The following SEC14L5 variants were observed in gnomAD, a reference collection of about 807,000 sequenced individuals.
The protein encoded by SEC14L5 is SEC14 like lipid binding 5, also known as SEC14-like protein 5.
Under a neutral mutation model 84.6 loss-of-function variants are expected in SEC14L5, and 96 were observed. That is an observed-to-expected ratio of 1.13 (90% CI 0.96 to 1.34). The LOEUF (loss-of-function observed/expected upper bound fraction) is 1.34. Ranked by LOEUF, SEC14L5 falls within the 40% of genes most tolerant of loss-of-function variation. The probability of loss-of-function intolerance (pLI) is 0.00; values close to 1 mark genes in which losing one functional copy is unlikely to be tolerated. For synonymous variants in SEC14L5, 546 were observed against 383.4 expected (o/e 1.42, Z -4.95); for missense variants, 1,224 against 942.5 (o/e 1.30, Z -3.91).
At position 4,999,392 on chromosome 16, in the gene SEC14L5, C is replaced by T. The variant is rs750474021; in HGVS notation, c.971-1263C>T. The stretch of plus-strand genomic sequence containing the variant: ...AGCCAAAGCTGGAGGATCGCTTAAG[C>T]CCAGGAGTTCGAGACCAGCCTGGGC... On this transcript the variant is annotated intron_variant, in intron 8 of 15. Transcript: ENST00000251170. 3.8e-4 allele frequency among the ~76,000 whole-genome samples: 58 copies of T among 152,154 alleles called. 1 individual carries two copies. Among genetic ancestry groups the T allele is most frequent in the Non-Finnish European group, 2.4e-4 (16 of 68,036 alleles).
chr16:4,996,500 C>A, intron 7 of SEC14L5, 40 bp downstream of exon 7: 1 of 1,079,556 alleles, frequency 9.3e-7, no homozygotes, highest in Non-Finnish European at 1.4e-6. Flanking sequence ...GATGAATGGG[C>A]AATGACTGGT....
In SEC14L5 at chr16:4,996,441, A is replaced by C. The variant is rs1458172574; in HGVS notation, c.761A>C (p.Gln254Pro). ...SCLIQLRHWL[Q>P]ETHKGKIPKD... Reference sequence around the variant, plus strand: ...CTGATCCAGCTTCGGCACTGGTTACAGGAGACCCACAAAGGCAAGGTGGGT... The same window carrying C: ...CTGATCCAGCTTCGGCACTGGTTACCGGAGACCCACAAAGGCAAGGTGGGT... The change falls in exon 7 of 16, where the codon CAG becomes CCG. Residue 254 changes from glutamine (Q) to proline (P), a missense_variant. By Grantham distance (76) the Gln-to-Pro change is moderately conservative (BLOSUM62 -1). Transcript: ENST00000251170. 5.1e-6 allele frequency: 8 copies of C among 1,569,242 alleles called. No homozygotes were observed. The highest frequency in any genetic ancestry group is 6.9e-6 in the Non-Finnish European group (8 of 1,157,616).
chr16:5,005,514 C>G (rs143270789), intron 11 of SEC14L5, among the ~76,000 whole-genome samples: 4 of 151,910 alleles, frequency 2.6e-5, no homozygotes, highest in African/African-American at 7.3e-5. Context: ...AGCCACTGAA[C>G]TGTGCACTTT....
intron 2 of SEC14L5, 139 bp downstream of exon 2, chr16:4,959,525 A>T: frequency 1.4e-6 from 1 of 739,560 alleles, no homozygotes; most frequent in East Asian, 2.7e-5. Context: ...TGGTGGGTTT[A>T]ACTTCTATCC....
chr16:4,976,273 A>C (rs1032121245), intron 2 of SEC14L5, among the ~76,000 whole-genome samples: 4 of 152,102 alleles, frequency 2.6e-5, no homozygotes, highest in African/African-American at 7.2e-5. Context: ...ATTTTTTCAC[A>C]CAGCTGATGA....
chr16:4,959,074 C>T lies in SEC14L5; in HGVS notation c.-51-199C>T, dbSNP rs181592972. ...TGCTGACTGCTCTTGGAAGGCTGAG[C>T]GTGGTCTGGGGCCATGGCTAATGAC... is the stretch of plus-strand genomic sequence containing the variant. On this transcript the variant is annotated intron_variant, in intron 1 of 15. Transcript: ENST00000251170. 6.0e-5 allele frequency among the ~76,000 whole-genome samples: 9 copies of T among 150,364 alleles called. No individual in the cohort carries two copies. In the East Asian group the frequency reaches 1.2e-3, roughly 20 times the overall value.
At chr16:4,967,477 G>C (rs936177117) in intron 2 of SEC14L5, among the ~76,000 whole-genome samples, 1 of 151,232 alleles carries the variant, frequency 6.6e-6, no homozygotes, top group Non-Finnish European at 1.5e-5. Context: ...TTTCACAGCT[G>C]GGATTTGAAC....
chr16:4,985,474 C>G (rs890156538), intron 2 of SEC14L5, among the ~76,000 whole-genome samples: 1 of 152,156 alleles, frequency 6.6e-6, no homozygotes, highest in Non-Finnish European at 1.5e-5. Flanking sequence ...GTGATCCACC[C>G]GCCTCAGCCC....
intron 15 of SEC14L5, among the ~76,000 whole-genome samples, chr16:5,012,777 C>T (rs567722099): frequency 6.9e-6 from 1 of 144,548 alleles, no homozygotes. Context: ...TGCCTATAAT[C>T]CCAGCTACTC....
At chr16:5,005,181 G>C (rs916214760) in intron 11 of SEC14L5, among the ~76,000 whole-genome samples, 1 of 152,192 alleles carries the variant, frequency 6.6e-6, no homozygotes, top group African/African-American at 2.4e-5. Context: ...CAGGCATGGT[G>C]GTGGGAGCCT....
chr16:4,998,225 TG>T (rs1399366989), intron 8 of SEC14L5, among the ~76,000 whole-genome samples: 3 of 151,270 alleles, frequency 2.0e-5, no homozygotes, highest in Middle Eastern at 3.2e-3. Context: ...AGGCTGTTCT[TG>T]GAACTCCTGA....
intron 2 of SEC14L5, among the ~76,000 whole-genome samples, chr16:4,987,000 C>T (rs1297220467): frequency 6.6e-6 from 1 of 152,118 alleles, no homozygotes; most frequent in Non-Finnish European, 1.5e-5. Context: ...TTTACTTCTT[C>T]CTTTCCAACT....
chr16:5,007,920 T>C (rs1397960506), intron 13 of SEC14L5, among the ~76,000 whole-genome samples: 3 of 147,948 alleles, frequency 2.0e-5, no homozygotes, highest in African/African-American at 7.5e-5. Flanking sequence ...TTTTTTTTTT[T>C]TTTTTGAGAC....
intron 8 of SEC14L5, among the ~76,000 whole-genome samples, chr16:4,998,566 G>A (rs1367469096): frequency 5.4e-5 from 8 of 148,492 alleles, no homozygotes; most frequent in Non-Finnish European, 1.0e-4. Context: ...GTGAAACCCC[G>A]TCTCTACTAA....
At chr16:5,001,036 T>TC (rs1360498774) in intron 10 of SEC14L5, 111 bp downstream of exon 10, 22 of 822,940 alleles carry the variant, frequency 2.7e-5, no homozygotes. Context: ...GGCTTCATTC[T>TC]CCCCCAGTTT....
intron 2 of SEC14L5, among the ~76,000 whole-genome samples, chr16:4,965,342 TG>T (rs1361268405): frequency 1.3e-5 from 2 of 152,156 alleles, no homozygotes; most frequent in Non-Finnish European, 2.9e-5. Flanking sequence ...CACAAGTTTT[TG>T]TATGAACATA....
rs1402653685 is a variant in SEC14L5 at position 4,991,872 on chromosome 16, T to C, written c.509T>C (p.Leu170Pro). ...GTGATTGAGCATTACCTGAATGAGC[T>C]CATCTCCCAGGGTACCTCGCACATT... ...KEVIEHYLNE[L>P]ISQGTSHIPR... Residue 170 changes from leucine to proline, a missense_variant, in exon 6 of 16, where the codon CTC becomes CCC. Coordinates refer to ENST00000251170, the MANE Select transcript of SEC14L5 (RefSeq NM_014692.2). The C allele has an allele frequency of 6.2e-7, 1 of 1,609,874 alleles. No individual in the cohort carries two copies. Among genetic ancestry groups the C allele is most frequent in the Non-Finnish European group, 8.5e-7 (1 of 1,178,558 alleles).
chr16:4,979,325 G>A (rs1323483700), intron 2 of SEC14L5, among the ~76,000 whole-genome samples: 1 of 152,158 alleles, frequency 6.6e-6, no homozygotes, highest in African/African-American at 2.4e-5. Flanking sequence ...TGACTGCAAG[G>A]GGGTCAAATT....
chr16:4,975,453 A>G (rs958133787), intron 2 of SEC14L5, among the ~76,000 whole-genome samples: 17 of 141,204 alleles, frequency 1.2e-4, no homozygotes, highest in African/African-American at 4.6e-4. Flanking sequence ...AGCCCGGGTG[A>G]CAGAGCGAAA....
Sources: gnomAD v4.1 joint callset for allele counts (sites outside exome capture counted in the v4.1 genomes callset) on GRCh38, gnomAD v4.1.1 for gene constraint, MANE v1.5 for transcripts, NCBI Gene and HGNC (gene_info 2026-07-23, HGNC 2026-07-21) for gene names.